Variants in SYNE1 observed in about 807,000 individuals in gnomAD.
SYNE1 encodes spectrin repeat containing nuclear envelope protein 1, also known as nesprin-1.
In SYNE1, 616 loss-of-function variants were observed where a neutral mutation model predicts 1,111.0. The ratio of observed to expected loss-of-function variants is 0.55; its 90% CI spans 0.52 to 0.59. The LOEUF is 0.59. SYNE1 is among the 20% of genes least tolerant of loss of function. The pLI is 0.00. For synonymous variants in SYNE1, 3,855 were observed against 3,825.8 expected (o/e 1.01, Z -0.28); for missense variants, 10,006 against 10,417.0 (o/e 0.96, Z 1.72).
intron 11 of SYNE1, among the ~76,000 whole-genome samples, chr6:152,494,056 C>T (rs2098986223): frequency 6.6e-6 from 1 of 152,226 alleles, no homozygotes; most frequent in African/African-American, 2.4e-5. Context: ...GCCGGGACTG[C>T]ACTCTGTAGC....
chr6:152,132,276 G>A, intron 143 of SYNE1, 62 bp from the exon 144 acceptor site: 1 of 1,378,338 alleles, frequency 7.3e-7, no homozygotes, highest in Non-Finnish European at 1.0e-6. Context: ...GCCCTCTGTT[G>A]CACCACGTTA....
chr6:152,508,567 G>A (rs1226988585), intron 8 of SYNE1, among the ~76,000 whole-genome samples: 4 of 152,146 alleles, frequency 2.6e-5, no homozygotes, highest in Admixed American at 6.5e-5. Flanking sequence ...ATTTAATGTC[G>A]TGTGAAGCAA....
Position 152,269,272 on chromosome 6 carries a change from C to T in SYNE1, c.18588G>A (p.Glu6196=). ...TTAGGTCAACATCGCTCTCCTCCTT[C>T]TCCTGTGCTGTTCCCTGCTTTTAAC... is the stretch of plus-strand genomic sequence containing the variant. The part of the protein sequence containing the change: ...KQLNMQGTAQ[E]KEESDVDLTA... Residue 6196 remains glutamate, a synonymous_variant, in exon 99 of 146, where the codon GAG becomes GAA. Coordinates refer to ENST00000367255, the MANE Select transcript of SYNE1 (RefSeq NM_182961.4). The T allele has an allele frequency of 3.1e-6, 5 of 1,614,206 alleles. No individual in the cohort carries two copies. Among genetic ancestry groups the T allele is most frequent in the Non-Finnish European group, 4.2e-6 (5 of 1,180,052 alleles).
chr6:152,295,101 G>A (rs549472906), intron 93 of SYNE1, among the ~76,000 whole-genome samples: 1 of 152,268 alleles, frequency 6.6e-6, no homozygotes, highest in East Asian at 1.9e-4. Context: ...ATTCAGACTG[G>A]GACAGCTGAG....
At chr6:152,612,481 G>A (rs551428066) in intron 3 of SYNE1, among the ~76,000 whole-genome samples, 43 of 152,208 alleles carry the variant, frequency 2.8e-4, no homozygotes, top group Non-Finnish European at 5.3e-4. Context: ...CCAATAACAG[G>A]CTCTGAAATT....
chr6:152,460,843 C>T (rs143322983), intron 21 of SYNE1, among the ~76,000 whole-genome samples: 3 of 122,792 alleles, frequency 2.4e-5, no homozygotes, highest in Non-Finnish European at 3.2e-5. Context: ...CAAAGAGTCT[C>T]GCCCTGTCAC....
chr6:152,321,065 G>A (rs892228210), intron 84 of SYNE1, among the ~76,000 whole-genome samples, 173 bp downstream of exon 84: 1 of 152,138 alleles, frequency 6.6e-6, no homozygotes, highest in Non-Finnish European at 1.5e-5. Context: ...TCATATCTAT[G>A]ATCATCTTGC....
intron 104 of SYNE1, among the ~76,000 whole-genome samples, chr6:152,251,367 A>G (rs1287733707): frequency 1.3e-5 from 2 of 152,372 alleles, no homozygotes; most frequent in African/African-American, 2.4e-5. Flanking sequence ...AGACTAGTCA[A>G]GAAGATAGTA....
intron 6 of SYNE1, among the ~76,000 whole-genome samples, chr6:152,516,626 G>A (rs973387436): frequency 6.6e-6 from 1 of 151,812 alleles, no homozygotes; most frequent in African/African-American, 2.4e-5. Flanking sequence ...TTGCTCTGTC[G>A]CTCAGGCTGG....
intron 3 of SYNE1, among the ~76,000 whole-genome samples, chr6:152,628,044 C>CA (rs66815986): frequency 0.014 from 1,457 of 103,358 alleles, 44 homozygotes; most frequent in East Asian, 0.043. Context: ...CACAAAATTA[C>CA]AAAAAAAAAA....
At chr6:152,239,112 T>C (rs1342519928) in intron 108 of SYNE1, among the ~76,000 whole-genome samples, 1 of 151,964 alleles carries the variant, frequency 6.6e-6, no homozygotes, top group African/African-American at 2.4e-5. Context: ...TTGGTTTGTT[T>C]CATCATGTTG....
chr6:152,224,061 AC>A (rs1265180795), intron 117 of SYNE1, among the ~76,000 whole-genome samples: 1 of 152,250 alleles, frequency 6.6e-6, no homozygotes, highest in Non-Finnish European at 1.5e-5. Context: ...CTGATATTTT[AC>A]TGAATGGAAG....
At chr6:152,300,512 C>T in intron 93 of SYNE1, 129 bp downstream of exon 93, 1 of 1,301,344 alleles carries the variant, frequency 7.7e-7, no homozygotes, top group Non-Finnish European at 1.1e-6. Flanking sequence ...ACTATAACAC[C>T]TAATAGTGTG....
At chr6:152,401,048 G>T in intron 47 of SYNE1, 90 bp downstream of exon 47, 2 of 1,313,892 alleles carry the variant, frequency 1.5e-6, no homozygotes, top group Non-Finnish European at 2.2e-6. Context: ...GTAACTGAGA[G>T]CAGAGGTTAT....
In SYNE1 at chr6:152,430,190, T is replaced by C. The variant is rs1257462180; in HGVS notation, c.4710A>G (p.Glu1570=). 1 of 1,603,954 alleles carries C rather than the reference T, an allele frequency of 6.2e-7. No individual in the cohort carries two copies. Among genetic ancestry groups the C allele is most frequent in the Non-Finnish European group, 8.5e-7 (1 of 1,173,270 alleles). Residue 1570 remains glutamate (E), a synonymous_variant, in exon 36 of 146, where the codon GAA becomes GAG. Transcript: ENST00000367255. ...TTGGAACAGCAAGTTTATCTTCAAA[T>C]TCAGACACAGATTGCTGGATCTAAA... ...NLRKIQQSVS[E]FEDKLAVPIK...
intron 3 of SYNE1, among the ~76,000 whole-genome samples, chr6:152,564,013 A>G (rs912884345): frequency 2.6e-5 from 4 of 152,116 alleles, no homozygotes; most frequent in Non-Finnish European, 5.9e-5. Flanking sequence ...CAGTTAAAGA[A>G]AGAGCCTTAC....
intron 36 of SYNE1, 70 bp downstream of exon 36, chr6:152,430,042 T>C: frequency 1.8e-6 from 2 of 1,105,612 alleles, no homozygotes; most frequent in Non-Finnish European, 2.7e-6. Context: ...GTTTACTGTA[T>C]TTTCTTTTCA....
chr6:152,463,520 A>G lies in SYNE1; in HGVS notation c.1933-3T>C. 1 of 1,611,446 alleles carries G rather than the reference A, an allele frequency of 6.2e-7. No individual in the cohort carries two copies. Among genetic ancestry groups the G allele is most frequent in the Non-Finnish European group, 8.5e-7 (1 of 1,178,084 alleles). On this transcript the variant is annotated splice_region_variant and splice_polypyrimidine_tract_variant and intron_variant, in intron 18 of 145. Transcript: ENST00000367255. Reference sequence around the variant, plus strand: ...TGAGGTAAATTTCGAAAAAAATCCTAAACAATAAATAATGCACAATATCAT... The same window carrying G: ...TGAGGTAAATTTCGAAAAAAATCCTGAACAATAAATAATGCACAATATCAT...
At position 152,301,855 on chromosome 6, in the gene SYNE1, C is replaced by T; in HGVS notation, c.17541+14G>A. 5 of 1,604,188 alleles carry T rather than the reference C, an allele frequency of 3.1e-6. No homozygotes were observed. The highest frequency in any genetic ancestry group is 4.3e-6 in the Non-Finnish European group (5 of 1,173,422). Reference sequence around the variant, plus strand: ...GTCAAAGAGCAAAGCCGCGGGGACCCACTGGATCCTTACCATGACCACAGA... The same window carrying T: ...GTCAAAGAGCAAAGCCGCGGGGACCTACTGGATCCTTACCATGACCACAGA... On this transcript the variant is annotated intron_variant, in intron 92 of 145. Coordinates refer to ENST00000367255, the MANE Select transcript of SYNE1 (RefSeq NM_182961.4).
Sources: allele counts gnomAD v4.1 joint callset (sites outside exome capture counted in the v4.1 genomes callset), GRCh38; gene constraint gnomAD v4.1.1; transcripts MANE v1.5; gene names NCBI Gene and HGNC (gene_info 2026-07-23, HGNC 2026-07-21).